TPD52L1: variants seen among roughly 807,000 people sequenced by gnomAD.
TPD52L1 encodes the protein tumor protein D53.
Under a neutral mutation model 28.7 loss-of-function variants are expected in TPD52L1, and 18 were observed. The ratio of observed to expected loss-of-function variants is 0.63; its 90% CI spans 0.43 to 0.93. The LOEUF (loss-of-function observed/expected upper bound fraction) is 0.93. Among genes scored for constraint, TPD52L1 ranks in the 40% least tolerant of loss-of-function variants. TPD52L1 has a pLI of 0.00. For missense variants in TPD52L1, 203 were observed against 254.8 expected, an observed-to-expected ratio of 0.80 and a Z score of 1.39; for synonymous variants, 75 against 88.8, an observed-to-expected ratio of 0.84 and a Z score of 0.88.
rs765652164 is a variant in TPD52L1 at position 125,252,044 on chromosome 6, C to A, written c.387-1673C>A. On this transcript the variant is annotated intron_variant, in intron 4 of 6. Coordinates refer to ENST00000534000, the MANE Select transcript of TPD52L1 (RefSeq NM_003287.4). ...CAGGTCTCACTCCATCGGGTAAGCG[C>A]CACAGGGCTGCGTGTGGGGCTTTCC... The A allele has an allele frequency of 2.6e-6, 4 of 1,536,118 alleles. No homozygotes were observed. In the South Asian group the frequency reaches 4.8e-5, roughly 18 times the overall value.
chr6:125,154,924 A>G (rs556596215), intron 1 of TPD52L1, among the ~76,000 whole-genome samples: 110 of 149,574 alleles, frequency 7.4e-4, no homozygotes, highest in African/African-American at 2.7e-3. Context: ...TATAGATAAA[A>G]TCTCATTAAA....
chr6:125,174,908 T>C (rs1184423248), intron 1 of TPD52L1, among the ~76,000 whole-genome samples: 1 of 152,216 alleles, frequency 6.6e-6, no homozygotes, highest in East Asian at 1.9e-4. Context: ...CTTAACACCA[T>C]GCTTCAGACC....
At chr6:125,199,312 G>T (rs1258016724) in intron 1 of TPD52L1, among the ~76,000 whole-genome samples, 1 of 152,192 alleles carries the variant, frequency 6.6e-6, no homozygotes, top group Non-Finnish European at 1.5e-5. Context: ...AATAATTATT[G>T]ATATTTGCAT....
intron 2 of TPD52L1, among the ~76,000 whole-genome samples, chr6:125,223,523 A>G (rs966127342): frequency 1.3e-5 from 2 of 152,072 alleles, no homozygotes; most frequent in Non-Finnish European, 2.9e-5. Context: ...AGCCTGTCCA[A>G]CATGGTGAAA....
intron 4 of TPD52L1, chr6:125,251,922 G>A (rs756944078): frequency 8.2e-7 from 1 of 1,212,254 alleles, no homozygotes; most frequent in Non-Finnish European, 1.2e-6. Flanking sequence ...CTGTGCTCTG[G>A]GGCCCTTGAA....
chr6:125,240,832 G>C (rs1478771465), intron 3 of TPD52L1, among the ~76,000 whole-genome samples: 2 of 151,998 alleles, frequency 1.3e-5, no homozygotes, highest in African/African-American at 4.8e-5. Flanking sequence ...TTTCTTGTCT[G>C]ATTGCTCTGG....
intron 1 of TPD52L1, among the ~76,000 whole-genome samples, chr6:125,179,752 C>A (rs1241046847): frequency 1.3e-5 from 2 of 152,072 alleles, no homozygotes; most frequent in Non-Finnish European, 2.9e-5. Flanking sequence ...TAACTAAATT[C>A]TTTTTCTGTT....
chr6:125,230,064 C>A (rs183558901), intron 3 of TPD52L1, among the ~76,000 whole-genome samples: 1 of 151,888 alleles, frequency 6.6e-6, no homozygotes, highest in Admixed American at 6.6e-5. Context: ...TCCAGCCTGG[C>A]GACAGAGGGA....
intron 1 of TPD52L1, among the ~76,000 whole-genome samples, chr6:125,197,936 G>A (rs1368962156): frequency 3.3e-5 from 5 of 152,164 alleles, no homozygotes; most frequent in Non-Finnish European, 7.3e-5. Context: ...GTGTGAGGCA[G>A]GCCAAGGGAT....
chr6:125,219,551 C>T (rs1001640546), intron 1 of TPD52L1, among the ~76,000 whole-genome samples: 2 of 152,208 alleles, frequency 1.3e-5, no homozygotes, highest in South Asian at 2.1e-4. Flanking sequence ...CTCAGGGTCA[C>T]GAGTTCTCAG....
At chr6:125,220,428 T>C (rs1795158770) in intron 2 of TPD52L1, among the ~76,000 whole-genome samples, 1 of 152,214 alleles carries the variant, frequency 6.6e-6, no homozygotes, top group Non-Finnish European at 1.5e-5. Flanking sequence ...TAAGCAACAA[T>C]AATAACCAGT....
rs555307378 is a variant in TPD52L1, at chr6:125,176,538, C to T, written c.19+22568C>T. On this transcript the variant is annotated intron_variant, in intron 1 of 6. Coordinates refer to ENST00000534000, the MANE Select transcript of TPD52L1 (RefSeq NM_003287.4). ...ATTATTCTTTTAGTTTTGTAGAACT[C>T]GAGATGGAATCTGTAAAATGAATCT... Among the ~76,000 whole-genome samples the T allele has an allele frequency of 1.7e-4, 26 of 152,228 alleles. No homozygotes were observed. In the East Asian group the frequency reaches 4.6e-3, roughly 27 times the overall value.
chr6:125,170,364 T>C (rs1160843565), intron 1 of TPD52L1, among the ~76,000 whole-genome samples: 1 of 149,654 alleles, frequency 6.7e-6, no homozygotes, highest in African/African-American at 2.5e-5. Flanking sequence ...CGAGATTAGG[T>C]TGTGTAGGGG....
At chr6:125,172,178 TTTCTTTC>T (rs1186001575) in intron 1 of TPD52L1, among the ~76,000 whole-genome samples, 17 of 128,684 alleles carry the variant, frequency 1.3e-4, no homozygotes, top group African/African-American at 5.7e-4. Flanking sequence ...TCTTTCTTTC[TTTCTTTC>T]TTTCTTTCTT....
At chr6:125,210,604 G>A (rs953458855) in intron 1 of TPD52L1, among the ~76,000 whole-genome samples, 23 of 152,116 alleles carry the variant, frequency 1.5e-4, no homozygotes, top group African/African-American at 5.6e-4. Context: ...GTATATATGC[G>A]GGTGGCACCA....
chr6:125,199,596 A>C (rs1046620340), intron 1 of TPD52L1, among the ~76,000 whole-genome samples: 1 of 152,184 alleles, frequency 6.6e-6, no homozygotes, highest in African/African-American at 2.4e-5. Context: ...GAGGCTGGAG[A>C]ATCACTTGAA....
At chr6:125,210,350 T>G (rs1794414554) in intron 1 of TPD52L1, among the ~76,000 whole-genome samples, 2 of 152,244 alleles carry the variant, frequency 1.3e-5, no homozygotes, top group African/African-American at 2.4e-5. Flanking sequence ...AACTCTCCTG[T>G]GTCTCTTGGC....
At chr6:125,197,106 ACT>A (rs1793498387) in intron 1 of TPD52L1, among the ~76,000 whole-genome samples, 1 of 152,066 alleles carries the variant, frequency 6.6e-6, no homozygotes, top group South Asian at 2.1e-4. Flanking sequence ...CCTAAAACAG[ACT>A]CATAATCATG....
intron 1 of TPD52L1, among the ~76,000 whole-genome samples, chr6:125,210,337 C>T (rs1474883429): frequency 6.6e-6 from 1 of 152,250 alleles, no homozygotes; most frequent in Non-Finnish European, 1.5e-5. Flanking sequence ...TCTTACTGCA[C>T]TTAACTCTCC....
Sources: allele counts gnomAD v4.1 joint callset (sites outside exome capture counted in the v4.1 genomes callset), GRCh38; gene constraint gnomAD v4.1.1; transcripts MANE v1.5; gene names NCBI Gene and HGNC (gene_info 2026-07-23, HGNC 2026-07-21).